SOX6: variants seen among roughly 807,000 people sequenced by gnomAD.
SOX6 encodes SRY-box transcription factor 6.
A neutral mutation model predicts 97.8 loss-of-function variants in SOX6; 11 were observed. The ratio of observed to expected loss-of-function variants is 0.11; its 90% CI spans 0.07 to 0.19. The LOEUF (loss-of-function observed/expected upper bound fraction) is 0.19, where lower values mean the gene tolerates loss of function less well. Among genes scored for constraint, SOX6 ranks in the 10% least tolerant of loss-of-function variants. The pLI is 1.00. For synonymous variants in SOX6, 360 were observed against 371.4 expected, an observed-to-expected ratio of 0.97 and a Z score of 0.35; for missense variants, 810 against 1,039.5, an observed-to-expected ratio of 0.78 and a Z score of 3.04.
chr11:16,494,141 C>T lies in SOX6; in HGVS notation n.610-17753G>A, dbSNP rs138701234. Among the ~76,000 whole-genome samples the T allele has an allele frequency of 1.6e-3, 250 of 152,158 alleles. 2 individuals carry two copies. The highest frequency in any genetic ancestry group is 5.7e-3 in the African/African-American group (235 of 41,526). The stretch of plus-strand genomic sequence containing the variant: ...CCTGTATCCCAGCACTTTGGGAGGC[C>T]GAGGTGGGCAGATCACTAGAGGTCA... On this transcript the variant is annotated intron_variant and non_coding_transcript_variant, in intron 4 of 5. Transcript: ENST00000524520.
chr11:16,293,181 A>G (rs1454788475), intron 3 of SOX6, among the ~76,000 whole-genome samples: 1 of 152,162 alleles, frequency 6.6e-6, no homozygotes, highest in Non-Finnish European at 1.5e-5. Context: ...AGTTTTTTAT[A>G]GTACAGCCAT....
chr11:16,207,625 T>C (rs1852110558), intron 4 of SOX6, among the ~76,000 whole-genome samples: 1 of 151,828 alleles, frequency 6.6e-6, no homozygotes, highest in African/African-American at 2.4e-5. Context: ...AACAAATTCA[T>C]TTATTTAACA....
chr11:16,136,675 A>G (rs2134031468), intron 6 of SOX6, among the ~76,000 whole-genome samples: 1 of 152,270 alleles, frequency 6.6e-6, no homozygotes, highest in South Asian at 2.1e-4. Context: ...GGCTCAAGCA[A>G]TCCTCCTGCC....
rs554412049 is a variant in SOX6, at chr11:15,966,821, A to T, written c.*5988T>A. On this transcript the variant is annotated 3_prime_UTR_variant, in exon 16 of 16. Transcript: ENST00000683767. ...GAAAGATTATTCAATGTTGAGCTTT[A>T]TCTCACGTCAATACTGCACAACAAA... 2.0e-5 allele frequency: 3 copies of T among 152,360 alleles called. No individual in the cohort carries two copies. The highest frequency in any genetic ancestry group is 4.1e-4 in the South Asian group (2 of 4,830). 9.4% of individuals were successfully genotyped at this position (152,360 alleles called of 1,614,324 possible).
chr11:16,217,494 A>C (rs1199746235), intron 4 of SOX6, among the ~76,000 whole-genome samples: 4 of 152,194 alleles, frequency 2.6e-5, no homozygotes, highest in African/African-American at 9.6e-5. Context: ...AAAATAAAGT[A>C]AAATCTTCAT....
chr11:16,294,767 C>A (rs1855020320), intron 3 of SOX6, among the ~76,000 whole-genome samples: 1 of 151,962 alleles, frequency 6.6e-6, no homozygotes. Flanking sequence ...TGGAACATAA[C>A]CTCCATAGCT....
At chr11:16,449,014 A>G (rs984315298) in intron 1 of SOX6, among the ~76,000 whole-genome samples, 6 of 152,162 alleles carry the variant, frequency 3.9e-5, no homozygotes, top group African/African-American at 1.2e-4. Flanking sequence ...AGCCCACGTG[A>G]CAGAATGAGA....
intron 6 of SOX6, among the ~76,000 whole-genome samples, chr11:16,172,232 T>C (rs1282771678): frequency 6.6e-6 from 1 of 152,022 alleles, no homozygotes; most frequent in Non-Finnish European, 1.5e-5. Flanking sequence ...CAAAAGGATA[T>C]GCAGTAATTT....
At chr11:16,396,471 T>A (rs1292021058) in intron 1 of SOX6, among the ~76,000 whole-genome samples, 3 of 151,680 alleles carry the variant, frequency 2.0e-5, no homozygotes, top group Non-Finnish European at 4.4e-5. Flanking sequence ...TGAAAAAGAT[T>A]TTTTTCTGTG....
chr11:16,429,090 A>T (rs1202764051), intron 1 of SOX6, among the ~76,000 whole-genome samples: 1 of 152,180 alleles, frequency 6.6e-6, no homozygotes, highest in Non-Finnish European at 1.5e-5. Flanking sequence ...AACGTCACTG[A>T]TCTTTAGAGA....
At chr11:16,397,165 G>C (rs1393926) in intron 1 of SOX6, among the ~76,000 whole-genome samples, 2 of 151,072 alleles carry the variant, frequency 1.3e-5, no homozygotes, top group Non-Finnish European at 3.0e-5. Flanking sequence ...GACTTAGTTC[G>C]TTTTAGTAAT....
intron 9 of SOX6, among the ~76,000 whole-genome samples, chr11:16,056,483 C>A (rs1375112355): frequency 2.0e-5 from 3 of 152,084 alleles, no homozygotes; most frequent in Non-Finnish European, 4.4e-5. Context: ...TAACATAATC[C>A]TCAAGAGAAT....
chr11:16,021,871 G>C (rs1564911361), intron 12 of SOX6, among the ~76,000 whole-genome samples: 1 of 152,062 alleles, frequency 6.6e-6, no homozygotes, highest in Non-Finnish European at 1.5e-5. Context: ...CCTTTCCAAT[G>C]AGTACTTCCT....
chr11:16,067,321 G>A (rs1848115474), intron 9 of SOX6, among the ~76,000 whole-genome samples: 1 of 152,152 alleles, frequency 6.6e-6, no homozygotes, highest in South Asian at 2.1e-4. Context: ...ATCCCCATGT[G>A]TTGTGGAGGG....
intron 13 of SOX6, among the ~76,000 whole-genome samples, chr11:16,013,108 G>T (rs1296315112): frequency 1.3e-5 from 2 of 151,926 alleles, no homozygotes; most frequent in African/African-American, 4.8e-5. Context: ...AGAGATAACT[G>T]ACTATATTTA....
chr11:16,446,624 G>A (rs559833197), intron 1 of SOX6, among the ~76,000 whole-genome samples: 5 of 152,116 alleles, frequency 3.3e-5, no homozygotes, highest in African/African-American at 7.2e-5. Context: ...AAAACCAGGC[G>A]TGATGGTCAT....
At chr11:16,157,393 T>C (rs891820322) in intron 6 of SOX6, among the ~76,000 whole-genome samples, 1 of 152,018 alleles carries the variant, frequency 6.6e-6, no homozygotes, top group African/African-American at 2.4e-5. Context: ...CAAACCTATA[T>C]ATCCAACATC....
At chr11:16,635,067 T>C (rs1359998935) in intron 3 of SOX6, among the ~76,000 whole-genome samples, 1 of 152,202 alleles carries the variant, frequency 6.6e-6, no homozygotes, top group African/African-American at 2.4e-5. Flanking sequence ...CCTTTATAAA[T>C]TACCCAGTCT....
intron 4 of SOX6, among the ~76,000 whole-genome samples, chr11:16,221,926 A>G (rs1852549650): frequency 6.6e-6 from 1 of 152,286 alleles, no homozygotes; most frequent in Admixed American, 6.5e-5. Flanking sequence ...GTCCATTGAT[A>G]GGGTTTCAGA....
Sources: gnomAD v4.1 joint callset for allele counts (sites outside exome capture counted in the v4.1 genomes callset) on GRCh38, gnomAD v4.1.1 for gene constraint, MANE v1.5 for transcripts, NCBI Gene and HGNC (gene_info 2026-07-23, HGNC 2026-07-21) for gene names.